The following LRRIQ1 variants were observed in gnomAD, a reference collection of about 807,000 sequenced individuals.
LRRIQ1 encodes the protein leucine-rich repeat- and IQ domain-containing protein 1.
LRRIQ1 carries 210 observed loss-of-function variants against 211.9 expected under a neutral mutation model. That is an observed-to-expected ratio of 0.99 (90% CI 0.89 to 1.11). LRRIQ1 has a LOEUF of 1.11. LRRIQ1 is among the 50% of genes most tolerant of loss of function. The pLI is 0.00. For synonymous variants in LRRIQ1, 699 were observed against 650.1 expected (o/e 1.08, Z -1.14); for missense variants, 2,136 against 1,939.5 (o/e 1.10, Z -1.90).
At chr12:85,222,172 G>T (rs575984917) in intron 24 of LRRIQ1, among the ~76,000 whole-genome samples, 1 of 152,148 alleles carries the variant, frequency 6.6e-6, no homozygotes, top group African/African-American at 2.4e-5. Flanking sequence ...ATTTTTTGAC[G>T]TGCTTGAAGT....
chr12:85,204,933 A>G (rs757995646), intron 24 of LRRIQ1, among the ~76,000 whole-genome samples: 2 of 152,090 alleles, frequency 1.3e-5, no homozygotes, highest in Non-Finnish European at 2.9e-5. Context: ...GCTGGGGTGG[A>G]ATGATAAGGT....
chr12:85,098,026 C>A (rs527359951), intron 11 of LRRIQ1, among the ~76,000 whole-genome samples: 34 of 152,046 alleles, frequency 2.2e-4, no homozygotes, highest in Non-Finnish European at 3.4e-4. Flanking sequence ...AAAAACTATT[C>A]TTTTAAGAAA....
the LRRIQ1 span, among the ~76,000 whole-genome samples, chr12:85,269,895 G>A: frequency 3.0e-4 from 46 of 152,156 alleles, no homozygotes; most frequent in African/African-American, 1.1e-3. Context: ...GGAATTCTGA[G>A]ATCAGGGTGT....
At chr12:85,131,212 C>CAAA (rs111605863) in intron 18 of LRRIQ1, among the ~76,000 whole-genome samples, 1 of 127,614 alleles carries the variant, frequency 7.8e-6, no homozygotes, top group African/African-American at 2.8e-5. Flanking sequence ...GATTTTGTCT[C>CAAA]AAAAAAAAAA....
intron 24 of LRRIQ1, among the ~76,000 whole-genome samples, chr12:85,199,588 T>C (rs1038862952): frequency 6.6e-6 from 1 of 152,070 alleles, no homozygotes; most frequent in Non-Finnish European, 1.5e-5. Context: ...GGGTAATTCA[T>C]AAAGGAAAAA....
chr12:85,242,503 C>T (rs531122445), intron 26 of LRRIQ1, among the ~76,000 whole-genome samples: 1 of 151,890 alleles, frequency 6.6e-6, no homozygotes, highest in South Asian at 2.1e-4. Flanking sequence ...ACATGAGCAT[C>T]CATGGATTTT....
At chr12:85,178,594 A>T (rs1891829912) in intron 24 of LRRIQ1, among the ~76,000 whole-genome samples, 1 of 151,924 alleles carries the variant, frequency 6.6e-6, no homozygotes, top group South Asian at 2.1e-4. Flanking sequence ...TTCTATCCTC[A>T]TTCTACTTAT....
At chr12:85,149,396 A>G (rs1890094669) in intron 19 of LRRIQ1, among the ~76,000 whole-genome samples, 1 of 151,904 alleles carries the variant, frequency 6.6e-6, no homozygotes, top group Non-Finnish European at 1.5e-5. Flanking sequence ...AGCACCATTT[A>G]TTGAACAGGA....
At chr12:85,130,056 G>A (rs1413164373) in intron 18 of LRRIQ1, among the ~76,000 whole-genome samples, 1 of 152,108 alleles carries the variant, frequency 6.6e-6, no homozygotes, top group African/African-American at 2.4e-5. Flanking sequence ...TGGAAAAATG[G>A]CCTTAAAATT....
chr12:85,052,828 A>T (rs184883378), intron 7 of LRRIQ1, among the ~76,000 whole-genome samples: 1 of 152,258 alleles, frequency 6.6e-6, no homozygotes, highest in East Asian at 1.9e-4. Flanking sequence ...CTGGTTAAGC[A>T]TGTAAAGAGA....
At chr12:85,150,852 T>A (rs1160651153) in intron 19 of LRRIQ1, among the ~76,000 whole-genome samples, 2 of 151,682 alleles carry the variant, frequency 1.3e-5, no homozygotes, top group East Asian at 3.9e-4. Flanking sequence ...AAATAAAAAT[T>A]GTATATGTTT....
chr12:85,037,999 G>A (rs1878379374), intron 1 of LRRIQ1, among the ~76,000 whole-genome samples, 154 bp from the exon 2 acceptor site: 1 of 151,934 alleles, frequency 6.6e-6, no homozygotes, highest in South Asian at 2.1e-4. Flanking sequence ...AAGAATGATT[G>A]AAGAGATAAA....
At chr12:85,160,997 T>C (rs1378096052) in intron 24 of LRRIQ1, among the ~76,000 whole-genome samples, 1 of 152,142 alleles carries the variant, frequency 6.6e-6, no homozygotes, top group African/African-American at 2.4e-5. Context: ...TCAGTGACAT[T>C]AATGTTATTT....
chr12:85,268,618 T>G (rs894435515), downstream of LRRIQ1, among the ~76,000 whole-genome samples: 4 of 151,856 alleles, frequency 2.6e-5, no homozygotes, highest in East Asian at 7.7e-4. Context: ...TAAAGAAAAA[T>G]AAAATACATA....
rs1890294582 is a variant in LRRIQ1 at position 85,152,282 on chromosome 12, T to C, written c.4332T>C (p.Ala1444=). The change falls in exon 20 of 27, where the codon GCT becomes GCC. Residue 1444 remains alanine (A), a splice_region_variant and synonymous_variant. Coordinates refer to ENST00000393217, the MANE Select transcript of LRRIQ1 (RefSeq NM_001079910.2). ...ACATTTTAATATTATTTGTGCAGGC[T>C]GCCTTAGAAGAAGAATGGCTAGCAT... is the stretch of plus-strand genomic sequence containing the variant. ...IDLEDFIFDE[A]ALEEEWLALD... is the part of the protein sequence containing the mutation. The C allele has an allele frequency of 6.2e-7, 1 of 1,606,480 alleles. No homozygotes were observed. The highest frequency in any genetic ancestry group is 1.3e-5 in the African/African-American group (1 of 74,590).
rs372763320 is a variant in LRRIQ1 at position 85,056,174 on chromosome 12, A to G, written c.1381A>G (p.Ile461Val). ...VDRQTILKES[I>V]QVKLKESISS... is the part of the protein sequence containing the mutation. ...TAGACAGACTATATTAAAAGAATCA[A>G]TACAAGTAAAGTTAAAAGAATCTAT... The change falls in exon 8 of 27, where the codon ATA (isoleucine) becomes GTA (valine). Residue 461 changes from isoleucine to valine, a missense_variant. Ile to Val is a conservative substitution (Grantham distance 29). Coordinates refer to ENST00000393217, the MANE Select transcript of LRRIQ1 (RefSeq NM_001079910.2). The G allele has an allele frequency of 1.7e-5, 27 of 1,584,698 alleles. No homozygotes were observed. The African/African-American group carries it at 3.4e-4, about 20-fold the overall frequency.
intron 24 of LRRIQ1, among the ~76,000 whole-genome samples, chr12:85,191,884 T>G (rs1892528616): frequency 6.6e-6 from 1 of 151,982 alleles, no homozygotes; most frequent in Non-Finnish European, 1.5e-5. Flanking sequence ...ACTGAGCATC[T>G]TTTCATATGT....
chr12:85,234,292 CTGAT>C (rs1440187177), intron 26 of LRRIQ1, among the ~76,000 whole-genome samples: 8 of 152,210 alleles, frequency 5.3e-5, no homozygotes, highest in Admixed American at 3.9e-4. Flanking sequence ...GGAATGGAAA[CTGAT>C]TGGATAGATT....
Position 85,160,675 on chromosome 12 carries a change from C to A in LRRIQ1, c.4783C>A (p.Pro1595Thr). 1 of 1,610,378 alleles carries A rather than the reference C, an allele frequency of 6.2e-7. No individual in the cohort carries two copies. Among genetic ancestry groups the A allele is most frequent in the Non-Finnish European group, 8.5e-7 (1 of 1,177,466 alleles). ...NENKVSLPKS[P>T]KMVQPRRDGY... Reference sequence around the variant, plus strand: ...AAATAAAGTGTCTCTTCCAAAATCACCAAAGATGGTACAGCCCAGAAGAGA... The same window carrying A: ...AAATAAAGTGTCTCTTCCAAAATCAACAAAGATGGTACAGCCCAGAAGAGA... Residue 1595 changes from proline (P) to threonine (T), a missense_variant, in exon 24 of 27, where the codon CCA becomes ACA. By Grantham distance (38) the Pro-to-Thr change is conservative. Transcript: ENST00000393217.
Sources: allele counts gnomAD v4.1 joint callset (sites outside exome capture counted in the v4.1 genomes callset), GRCh38; gene constraint gnomAD v4.1.1; transcripts MANE v1.5; gene names NCBI Gene and HGNC (gene_info 2026-07-23, HGNC 2026-07-21).